AGBL4: variants seen among roughly 807,000 people sequenced by gnomAD.
AGBL4 encodes cytosolic carboxypeptidase 6.
Under a neutral mutation model 66.4 loss-of-function variants are expected in AGBL4, and 58 were observed. The ratio of observed to expected loss-of-function variants is 0.87; its 90% CI spans 0.71 to 1.09. The LOEUF (loss-of-function observed/expected upper bound fraction) is 1.09. Among genes scored for constraint, AGBL4 ranks in the 50% least tolerant of loss-of-function variants. The pLI, the probability that AGBL4 is intolerant of heterozygous loss-of-function variation, is 0.00. For missense variants in AGBL4, 579 were observed against 631.0 expected, an observed-to-expected ratio of 0.92 and a Z score of 0.88; for synonymous variants, 234 against 222.9, an observed-to-expected ratio of 1.05 and a Z score of -0.44.
intron 3 of AGBL4, among the ~76,000 whole-genome samples, chr1:49,401,396 C>A (rs1342696290): frequency 3.3e-5 from 5 of 152,154 alleles, no homozygotes; most frequent in African/African-American, 1.2e-4. Flanking sequence ...GGGGACATAG[C>A]CAAATCATAT....
At chr1:49,348,952 T>C (rs1353085241) in intron 3 of AGBL4, among the ~76,000 whole-genome samples, 1 of 152,224 alleles carries the variant, frequency 6.6e-6, no homozygotes, top group African/African-American at 2.4e-5. Flanking sequence ...TCTTTATACA[T>C]ATATTTGGTT....
intron 11 of AGBL4, among the ~76,000 whole-genome samples, chr1:48,548,430 G>A (rs900823259): frequency 6.6e-6 from 1 of 152,146 alleles, no homozygotes; most frequent in African/African-American, 2.4e-5. Context: ...CCCAAACTGG[G>A]GATAATAATC....
At chr1:49,377,864 G>C (rs1304890478) in intron 3 of AGBL4, among the ~76,000 whole-genome samples, 1 of 152,036 alleles carries the variant, frequency 6.6e-6, no homozygotes, top group Non-Finnish European at 1.5e-5. Context: ...TCTCTACCAG[G>C]AATGATCACT....
intron 3 of AGBL4, among the ~76,000 whole-genome samples, chr1:49,383,191 C>T (rs1396191407): frequency 6.6e-6 from 1 of 152,080 alleles, no homozygotes; most frequent in African/African-American, 2.4e-5. Flanking sequence ...CTTAATATTA[C>T]TAAAATGTCT....
intron 4 of AGBL4, among the ~76,000 whole-genome samples, chr1:49,122,299 G>A (rs1291551012): frequency 3.9e-5 from 6 of 152,190 alleles, no homozygotes; most frequent in African/African-American, 9.6e-5. Flanking sequence ...TGTTGATCAC[G>A]CTGGGAGCTG....
chr1:49,620,362 A>G (rs1206135443), intron 3 of AGBL4, among the ~76,000 whole-genome samples: 1 of 152,196 alleles, frequency 6.6e-6, no homozygotes, highest in African/African-American at 2.4e-5. Flanking sequence ...AAACATATGA[A>G]AAAAAAGCTC....
intron 1 of AGBL4, among the ~76,000 whole-genome samples, chr1:49,957,566 A>G (rs919318968): frequency 6.6e-6 from 1 of 151,990 alleles, no homozygotes; most frequent in East Asian, 1.9e-4. Context: ...ATATATATTT[A>G]GGATAGTTAG....
chr1:49,372,484 C>T (rs1377263079), intron 3 of AGBL4, among the ~76,000 whole-genome samples: 1 of 152,110 alleles, frequency 6.6e-6, no homozygotes, highest in African/African-American at 2.4e-5. Context: ...GAACTTTGTT[C>T]ATGCTGCTCT....
intron 3 of AGBL4, among the ~76,000 whole-genome samples, chr1:49,618,976 A>C (rs1645304271): frequency 6.6e-6 from 1 of 152,210 alleles, no homozygotes; most frequent in South Asian, 2.1e-4. Context: ...TCTCAAAATA[A>C]TAAGAGCTAT....
At chr1:48,950,856 C>G (rs894878730) in intron 5 of AGBL4, among the ~76,000 whole-genome samples, 4 of 152,154 alleles carry the variant, frequency 2.6e-5, no homozygotes, top group Non-Finnish European at 5.9e-5. Context: ...CTCTCTTCTT[C>G]TTATTTAAAC....
At chr1:49,028,695 T>C (rs1663939966) in intron 5 of AGBL4, among the ~76,000 whole-genome samples, 1 of 152,146 alleles carries the variant, frequency 6.6e-6, no homozygotes, top group South Asian at 2.1e-4. Flanking sequence ...AGAACAAATC[T>C]GTCAATATGA....
intron 3 of AGBL4, among the ~76,000 whole-genome samples, chr1:49,467,786 G>A (rs539440807): frequency 2.1e-4 from 32 of 151,844 alleles, no homozygotes; most frequent in African/African-American, 6.7e-4. Context: ...TCACACATTC[G>A]ACTAAAATTC....
rs140284698 is a variant in AGBL4, at chr1:48,977,321, T to A, written c.594+68263A>T. On this transcript the variant is annotated intron_variant, in intron 5 of 13. Transcript: ENST00000371839. ...TTTATTTGTTTTAATATATGCCTCA[T>A]TTCCAAGAAGCAGTTGGCCTCATAG... is the stretch of plus-strand genomic sequence containing the variant. Among the ~76,000 whole-genome samples, 281 of 152,294 alleles carry A rather than the reference T, an allele frequency of 1.8e-3. 2 individuals carry two copies. The highest frequency in any genetic ancestry group is 6.4e-3 in the African/African-American group (266 of 41,572).
intron 2 of AGBL4, among the ~76,000 whole-genome samples, chr1:49,770,649 C>T (rs566330038): frequency 6.6e-6 from 1 of 152,102 alleles, no homozygotes; most frequent in East Asian, 1.9e-4. Flanking sequence ...AAGACCTGGA[C>T]TTTTTTTTCA....
At chr1:48,837,330 G>A (rs1411461533) in intron 6 of AGBL4, among the ~76,000 whole-genome samples, 2 of 152,084 alleles carry the variant, frequency 1.3e-5, no homozygotes, top group East Asian at 1.9e-4. Flanking sequence ...GTGTCAACTT[G>A]ATTGGATTGA....
At chr1:49,779,254 T>C (rs1012762260) in intron 2 of AGBL4, among the ~76,000 whole-genome samples, 21 of 152,116 alleles carry the variant, frequency 1.4e-4, no homozygotes, top group African/African-American at 5.1e-4. Flanking sequence ...ACTTCCTAAA[T>C]GTGATCCTAA....
chr1:49,785,150 T>C (rs576322550), intron 2 of AGBL4, among the ~76,000 whole-genome samples: 103 of 152,186 alleles, frequency 6.8e-4, no homozygotes, highest in African/African-American at 2.4e-3. Context: ...GATAGTAGAA[T>C]GGTGGCTACC....
At position 49,369,093 on chromosome 1, in the gene AGBL4, G is replaced by A. The variant is rs184796042; in HGVS notation, c.283-123229C>T. Among the ~76,000 whole-genome samples, 9 of 152,056 alleles carry A rather than the reference G, an allele frequency of 5.9e-5. No individual in the cohort carries two copies. The East Asian group carries it at 1.7e-3, about 29-fold the overall frequency. On this transcript the variant is annotated intron_variant, in intron 3 of 13. Transcript: ENST00000371839. ...AGCAAGACTCTGCCTCAGAAAAAGA[G>A]AAAAAAGAAAATGTGAGGTTAAGAG...
intron 3 of AGBL4, among the ~76,000 whole-genome samples, chr1:49,408,551 T>C (rs1232432896): frequency 1.3e-5 from 2 of 152,176 alleles, no homozygotes; most frequent in Non-Finnish European, 2.9e-5. Context: ...TGGGTAGGCA[T>C]CATCTAATCA....
Sources: gnomAD v4.1 joint callset for allele counts (sites outside exome capture counted in the v4.1 genomes callset) on GRCh38, gnomAD v4.1.1 for gene constraint, MANE v1.5 for transcripts, NCBI Gene and HGNC (gene_info 2026-07-23, HGNC 2026-07-21) for gene names.